The following MGAT5 variants were observed in gnomAD, a reference collection of about 807,000 sequenced individuals.
MGAT5 encodes alpha-1,6-mannosylglycoprotein 6-beta-N-acetylglucosaminyltransferase A.
MGAT5 carries 30 observed loss-of-function variants against 94.3 expected under a neutral mutation model. That is an observed-to-expected ratio of 0.32 (90% CI 0.24 to 0.43). The LOEUF is 0.43. MGAT5 is among the 20% of genes least tolerant of loss of function. The pLI, the probability that MGAT5 is intolerant of heterozygous loss-of-function variation, is 1.00. For missense variants in MGAT5, 691 were observed against 905.5 expected, an observed-to-expected ratio of 0.76 and a Z score of 3.04; for synonymous variants, 310 against 322.9, an observed-to-expected ratio of 0.96 and a Z score of 0.43.
At chr2:134,368,893 C>G (rs1482789219) in intron 10 of MGAT5, among the ~76,000 whole-genome samples, 2 of 152,204 alleles carry the variant, frequency 1.3e-5, no homozygotes, top group Admixed American at 6.5e-5. Context: ...CTGTCCTGCT[C>G]ACCCCAACTG....
chr2:134,154,849 T>G (rs1202628504), intron 1 of MGAT5, among the ~76,000 whole-genome samples: 3 of 152,342 alleles, frequency 2.0e-5, no homozygotes, highest in Non-Finnish European at 4.4e-5. Flanking sequence ...AGCATCTTTT[T>G]GTATCTGAGT....
intron 1 of MGAT5, among the ~76,000 whole-genome samples, chr2:134,169,999 A>G (rs1183659262): frequency 6.6e-6 from 1 of 152,224 alleles, no homozygotes; most frequent in Non-Finnish European, 1.5e-5. Flanking sequence ...GGTATGATTC[A>G]TAAGTCACCT....
chr2:134,401,007 C>G (rs185235523), intron 10 of MGAT5, among the ~76,000 whole-genome samples: 1 of 152,060 alleles, frequency 6.6e-6, no homozygotes, highest in Non-Finnish European at 1.5e-5. Flanking sequence ...GGCTCCAGGC[C>G]CTAGTTTTTT....
chr2:134,433,531 C>T (rs148601130), intron 14 of MGAT5, among the ~76,000 whole-genome samples: 2 of 152,306 alleles, frequency 1.3e-5, no homozygotes, highest in East Asian at 1.9e-4. Context: ...TTTATAGGCA[C>T]CGTCACTGTT....
chr2:134,270,671 A>T (rs745460727), intron 2 of MGAT5, 121 bp downstream of exon 2: 30 of 982,778 alleles, frequency 3.1e-5, no homozygotes, highest in Non-Finnish European at 4.0e-5. Flanking sequence ...TAAACTTGGC[A>T]TGGCCATTGT....
At chr2:134,257,117 G>A (rs1468287232) in intron 1 of MGAT5, among the ~76,000 whole-genome samples, 1 of 152,212 alleles carries the variant, frequency 6.6e-6, no homozygotes, top group Non-Finnish European at 1.5e-5. Flanking sequence ...CTTTAGATAT[G>A]TGATAATTAT....
chr2:134,315,313 G>A (rs543046323), intron 2 of MGAT5, among the ~76,000 whole-genome samples: 31 of 152,278 alleles, frequency 2.0e-4, no homozygotes, highest in African/African-American at 7.0e-4. Flanking sequence ...GGCTCTCATA[G>A]ACTGTGCCTA....
intron 1 of MGAT5, among the ~76,000 whole-genome samples, chr2:134,136,449 C>G (rs890613515): frequency 1.3e-5 from 2 of 152,094 alleles, no homozygotes; most frequent in African/African-American, 4.8e-5. Context: ...TGCCTGTAAT[C>G]CCAGCTACTA....
chr2:134,311,005 G>A (rs1488347604), intron 2 of MGAT5, among the ~76,000 whole-genome samples: 1 of 152,226 alleles, frequency 6.6e-6, no homozygotes, highest in Non-Finnish European at 1.5e-5. Context: ...TTCATATCAG[G>A]TGTGCCAAGA....
intron 1 of MGAT5, among the ~76,000 whole-genome samples, chr2:134,130,306 C>T (rs1214442428): frequency 7.0e-6 from 1 of 143,114 alleles, no homozygotes; most frequent in Non-Finnish European, 1.5e-5. Context: ...TGGCCTGAGC[C>T]TCCCCAGTAG....
chr2:134,395,533 C>T (rs1010789880), intron 10 of MGAT5, among the ~76,000 whole-genome samples: 1 of 152,200 alleles, frequency 6.6e-6, no homozygotes, highest in African/African-American at 2.4e-5. Context: ...GTAGTATTAG[C>T]ACCTTGTTTT....
chr2:134,156,380 CTGT>C (rs1179138740), intron 1 of MGAT5, among the ~76,000 whole-genome samples: 2 of 152,268 alleles, frequency 1.3e-5, no homozygotes, highest in African/African-American at 4.8e-5. Context: ...AGGTCTCTGT[CTGT>C]TTGGCCTGTG....
chr2:134,275,578 C>T (rs796400465), intron 2 of MGAT5, among the ~76,000 whole-genome samples: 911 of 79,752 alleles, frequency 0.011, 32 homozygotes, highest in African/African-American at 0.05. Flanking sequence ...GTGCTATTTC[C>T]TTTTTTTTTT....
chr2:134,431,646 T>C (rs141438469), intron 14 of MGAT5, among the ~76,000 whole-genome samples: 1 of 152,228 alleles, frequency 6.6e-6, no homozygotes, highest in East Asian at 1.9e-4. Flanking sequence ...ATCCCTTGAA[T>C]GGTAGGAGCA....
chr2:134,335,356 G>A (rs1376265267), intron 4 of MGAT5, among the ~76,000 whole-genome samples: 1 of 152,048 alleles, frequency 6.6e-6, no homozygotes, highest in Non-Finnish European at 1.5e-5. Context: ...TTAGTAAACG[G>A]GTGATAATGC....
At chr2:134,319,857 T>A (rs1687214816) in intron 4 of MGAT5, 1 of 264,640 alleles carries the variant, frequency 3.8e-6, no homozygotes, top group Non-Finnish European at 7.6e-6. Context: ...TTAGCATGTG[T>A]ATGCTCAATT....
intron 11 of MGAT5, among the ~76,000 whole-genome samples, chr2:134,411,137 C>T (rs1171170538): frequency 6.6e-6 from 1 of 152,194 alleles, no homozygotes; most frequent in East Asian, 1.9e-4. Context: ...CTCCCCCACC[C>T]CTGAGCCACA....
At chr2:134,392,004 G>C (rs2106253803) in intron 10 of MGAT5, among the ~76,000 whole-genome samples, 1 of 152,208 alleles carries the variant, frequency 6.6e-6, no homozygotes, top group Admixed American at 6.5e-5. Context: ...TTTTCTTATA[G>C]ACACACCTCT....
chr2:134,372,955 G>GGT (rs1175797665), intron 10 of MGAT5, among the ~76,000 whole-genome samples: 7 of 152,216 alleles, frequency 4.6e-5, no homozygotes, highest in African/African-American at 1.7e-4. Flanking sequence ...ACATCCTGAG[G>GGT]GTGGGGCACT....
Sources: gnomAD v4.1 joint callset for allele counts (sites outside exome capture counted in the v4.1 genomes callset) on GRCh38, gnomAD v4.1.1 for gene constraint, MANE v1.5 for transcripts, NCBI Gene and HGNC (gene_info 2026-07-23, HGNC 2026-07-21) for gene names.